Variants in PRKCH observed in about 807,000 individuals in gnomAD.
PRKCH encodes the protein protein kinase C eta type.
PRKCH carries 28 observed loss-of-function variants against 82.5 expected under a neutral mutation model. The observed-to-expected ratio is 0.34, with a 90% CI of 0.25 to 0.47. The LOEUF is 0.47. Among genes scored for constraint, PRKCH ranks in the 20% least tolerant of loss-of-function variants. PRKCH has a pLI of 1.00. For missense variants in PRKCH, 705 were observed against 881.8 expected, an observed-to-expected ratio of 0.80 and a Z score of 2.54; for synonymous variants, 322 against 327.4, an observed-to-expected ratio of 0.98 and a Z score of 0.18.
intron 9 of PRKCH, among the ~76,000 whole-genome samples, chr14:61,462,738 C>A (rs1020946577): frequency 2.0e-5 from 3 of 152,176 alleles, no homozygotes; most frequent in Admixed American, 1.3e-4. Flanking sequence ...GTGACAGTCT[C>A]CCCTGGAGAA....
chr14:61,496,820 T>C (rs1008502714), intron 10 of PRKCH, among the ~76,000 whole-genome samples: 1 of 152,212 alleles, frequency 6.6e-6, no homozygotes, highest in African/African-American at 2.4e-5. Flanking sequence ...TTATGATTGC[T>C]ACCATTTATT....
intron 2 of PRKCH, among the ~76,000 whole-genome samples, chr14:61,393,347 C>A (rs1210617556): frequency 6.6e-6 from 1 of 152,152 alleles, no homozygotes; most frequent in African/African-American, 2.4e-5. Flanking sequence ...ATCTATAGAT[C>A]AGTTTGAGGG....
chr14:61,230,679 C>T (rs1053762148), intron 1 of PRKCH, among the ~76,000 whole-genome samples: 2 of 152,202 alleles, frequency 1.3e-5, no homozygotes, highest in Non-Finnish European at 2.9e-5. Flanking sequence ...TGTATGCAAA[C>T]TCTGACCACT....
At chr14:61,441,425 AC>A (rs1390418842) in intron 2 of PRKCH, among the ~76,000 whole-genome samples, 1 of 152,018 alleles carries the variant, frequency 6.6e-6, no homozygotes, top group Non-Finnish European at 1.5e-5. Flanking sequence ...GTTTCACCTC[AC>A]CCTTGTTAAA....
At chr14:61,272,909 G>C (rs2045170925) in intron 1 of PRKCH, among the ~76,000 whole-genome samples, 2 of 152,134 alleles carry the variant, frequency 1.3e-5, no homozygotes, top group South Asian at 4.1e-4. Context: ...TGGTTCCACA[G>C]CCTGCTTTAC....
intron 1 of PRKCH, among the ~76,000 whole-genome samples, chr14:61,333,404 A>G (rs535262095): frequency 7.9e-5 from 12 of 152,250 alleles, no homozygotes; most frequent in Admixed American, 7.9e-4. Flanking sequence ...AAAGGGTTCA[A>G]AAATAAGGCT....
intron 1 of PRKCH, among the ~76,000 whole-genome samples, chr14:61,309,918 C>A (rs2045508352): frequency 6.9e-6 from 1 of 143,976 alleles, no homozygotes; most frequent in Non-Finnish European, 1.5e-5. Flanking sequence ...GGGAAGCAGG[C>A]ACATCTTACA....
chr14:61,283,605 G>A (rs538007371), intron 1 of PRKCH, among the ~76,000 whole-genome samples: 3 of 152,128 alleles, frequency 2.0e-5, no homozygotes, highest in African/African-American at 7.2e-5. Context: ...CAAGCACTTC[G>A]GGAGGCCAAG....
At chr14:61,335,997 G>A (rs1190302689) in intron 1 of PRKCH, among the ~76,000 whole-genome samples, 1 of 152,142 alleles carries the variant, frequency 6.6e-6, no homozygotes, top group Non-Finnish European at 1.5e-5. Flanking sequence ...CTGCAAGCCT[G>A]TTCTCTCATC....
chr14:61,549,826 C>G lies in PRKCH; in HGVS notation c.2047C>G (p.Pro683Ala). Residue 683 changes from proline to alanine, a missense_variant, in exon 14 of 14, where the codon CCA (proline) becomes GCA (alanine). Physicochemically the swap from Pro to Ala is conservative, Grantham distance 27. Coordinates refer to ENST00000332981, the MANE Select transcript of PRKCH (RefSeq NM_006255.5). ...NFSYVSPELQP is the reference protein window; with the variant it reads ...NFSYVSPELQA ...TTCCTATGTGTCTCCAGAATTGCAA[C>G]CATAGCCTTATGGGGAGTGAGAGAG... 1 of 1,613,738 alleles carries G rather than the reference C, an allele frequency of 6.2e-7. No individual in the cohort carries two copies. Among genetic ancestry groups the G allele is most frequent in the Non-Finnish European group, 8.5e-7 (1 of 1,179,882 alleles).
intron 10 of PRKCH, among the ~76,000 whole-genome samples, chr14:61,487,105 G>C (rs1284202615): frequency 2.6e-5 from 4 of 152,316 alleles, no homozygotes; most frequent in Middle Eastern, 3.4e-3. Context: ...GGTGGTGCTG[G>C]AGATAAGTGG....
At chr14:61,213,754 C>A (rs567710357) in intron 1 of PRKCH, among the ~76,000 whole-genome samples, 1 of 152,348 alleles carries the variant, frequency 6.6e-6, no homozygotes, top group South Asian at 2.1e-4. Flanking sequence ...TTTCTCCCTG[C>A]ACCTGGGTCT....
chr14:61,516,270 T>C (rs958212520), intron 10 of PRKCH, among the ~76,000 whole-genome samples: 2 of 152,122 alleles, frequency 1.3e-5, no homozygotes, highest in Non-Finnish European at 2.9e-5. Flanking sequence ...ATAGCCACTA[T>C]TGGGTCAAGA....
At chr14:61,258,022 C>T (rs928519989) in intron 1 of PRKCH, among the ~76,000 whole-genome samples, 1 of 151,856 alleles carries the variant, frequency 6.6e-6, no homozygotes, top group African/African-American at 2.4e-5. Context: ...AGGCTGGCGA[C>T]CAAGAGAGAA....
At chr14:61,397,180 T>A (rs1259830826) in intron 2 of PRKCH, among the ~76,000 whole-genome samples, 3 of 152,042 alleles carry the variant, frequency 2.0e-5, no homozygotes, top group Admixed American at 2.0e-4. Context: ...CTTTGAGAGA[T>A]GTCTGTGTAG....
intron 9 of PRKCH, among the ~76,000 whole-genome samples, chr14:61,458,258 A>G (rs556652424): frequency 6.6e-6 from 1 of 152,354 alleles, no homozygotes; most frequent in South Asian, 2.1e-4. Context: ...GGCTGCAGTT[A>G]ATGGAACACT....
intron 1 of PRKCH, among the ~76,000 whole-genome samples, chr14:61,293,237 G>A (rs1371270417): frequency 6.6e-6 from 1 of 152,104 alleles, no homozygotes; most frequent in Admixed American, 6.5e-5. Context: ...CTTCACAGAG[G>A]GCCTGTCAGC....
intron 1 of PRKCH, among the ~76,000 whole-genome samples, chr14:61,333,371 C>T (rs2045814114): frequency 6.6e-6 from 1 of 152,142 alleles, no homozygotes. Flanking sequence ...GACACAGGAC[C>T]TCAGGTTGAG....
Position 61,199,151 on chromosome 14 carries a change from T to C in PRKCH, c.-19+11483T>C, listed in dbSNP as rs1039660245. The stretch of plus-strand genomic sequence containing the variant: ...CTGAAACTTTCCAAAAAAAAGAGAC[T>C]ATGATTTAAAAATCAATTTAACATT... On this transcript the variant is annotated intron_variant, in intron 1 of 3. Coordinates refer to the PRKCH transcript ENST00000555185. 8.5e-5 allele frequency among the ~76,000 whole-genome samples: 13 copies of C among 152,228 alleles called. No homozygotes were observed. In the East Asian group the frequency reaches 2.5e-3, roughly 29 times the overall value.
Sources: gnomAD v4.1 joint callset for allele counts (sites outside exome capture counted in the v4.1 genomes callset) on GRCh38, gnomAD v4.1.1 for gene constraint, MANE v1.5 for transcripts, NCBI Gene and HGNC (gene_info 2026-07-23, HGNC 2026-07-21) for gene names.